The following NRXN1 variants were observed in gnomAD, a reference collection of about 807,000 sequenced individuals.
The protein encoded by NRXN1 is neurexin-1.
A neutral mutation model predicts 150.9 loss-of-function variants in NRXN1; 39 were observed. That is an observed-to-expected ratio of 0.26 (90% CI 0.20 to 0.34). The LOEUF (loss-of-function observed/expected upper bound fraction) is 0.34. Among genes scored for constraint, NRXN1 ranks in the 10% least tolerant of loss-of-function variants. NRXN1 has a pLI of 1.00. For synonymous variants in NRXN1, 924 were observed against 757.0 expected, an observed-to-expected ratio of 1.22 and a Z score of -3.62; for missense variants, 1,815 against 1,949.9, an observed-to-expected ratio of 0.93 and a Z score of 1.30.
chr2:50,525,122 A>G (rs1017155095), intron 12 of NRXN1, among the ~76,000 whole-genome samples: 1 of 152,194 alleles, frequency 6.6e-6, no homozygotes, highest in East Asian at 1.9e-4. Flanking sequence ...ATGACTTACT[A>G]AAGTCATTTA....
At chr2:50,582,824 G>A (rs1406222833) in intron 8 of NRXN1, among the ~76,000 whole-genome samples, 1 of 152,084 alleles carries the variant, frequency 6.6e-6, no homozygotes, top group African/African-American at 2.4e-5. Context: ...TTGGGTTTCA[G>A]TTGCCCATCA....
At chr2:50,982,660 T>A (rs550912905) in intron 2 of NRXN1, among the ~76,000 whole-genome samples, 29 of 152,220 alleles carry the variant, frequency 1.9e-4, no homozygotes, top group African/African-American at 7.0e-4. Context: ...CCTAAGTTTT[T>A]CCTTTTATAC....
intron 5 of NRXN1, among the ~76,000 whole-genome samples, chr2:50,645,870 G>A (rs895066041): frequency 6.6e-6 from 1 of 151,902 alleles, no homozygotes; most frequent in African/African-American, 2.4e-5. Context: ...CCAGTCTAAG[G>A]AGAGAAAGCA....
chr2:50,215,947 C>T (rs902138855), intron 18 of NRXN1, among the ~76,000 whole-genome samples: 2 of 151,994 alleles, frequency 1.3e-5, no homozygotes, highest in African/African-American at 4.8e-5. Context: ...GTGGTTAAAC[C>T]TCATATTCAG....
chr2:50,885,330 G>A (rs1207184885), intron 5 of NRXN1, among the ~76,000 whole-genome samples: 4 of 149,762 alleles, frequency 2.7e-5, no homozygotes, highest in East Asian at 2.0e-4. Flanking sequence ...AATGAAATAC[G>A]TTTAAATTTA....
intron 17 of NRXN1, among the ~76,000 whole-genome samples, chr2:50,411,041 T>C (rs2083114710): frequency 6.6e-6 from 1 of 151,630 alleles, no homozygotes; most frequent in Admixed American, 6.6e-5. Context: ...CCTCTCCCTC[T>C]CCCCCTCCCC....
chr2:50,933,637 T>A (rs1688102191), intron 2 of NRXN1, among the ~76,000 whole-genome samples: 1 of 152,166 alleles, frequency 6.6e-6, no homozygotes, highest in Admixed American at 6.5e-5. Context: ...ACTAAACCCA[T>A]ATGAATATTG....
At chr2:50,099,219 T>C (rs372008393) in intron 18 of NRXN1, among the ~76,000 whole-genome samples, 3 of 152,084 alleles carry the variant, frequency 2.0e-5, no homozygotes, top group Non-Finnish European at 2.9e-5. Context: ...AGTTTTTATA[T>C]GCCCATTTCA....
At chr2:49,946,916 G>C (rs376737362) in intron 21 of NRXN1, among the ~76,000 whole-genome samples, 33 of 152,230 alleles carry the variant, frequency 2.2e-4, no homozygotes, top group African/African-American at 7.7e-4. Context: ...CTTAATGTCA[G>C]TGAAGATCGT....
intron 18 of NRXN1, among the ~76,000 whole-genome samples, chr2:50,219,746 G>T (rs2063664955): frequency 6.7e-6 from 1 of 149,148 alleles, no homozygotes; most frequent in Non-Finnish European, 1.5e-5. Context: ...AAATTAGTTG[G>T]GCATGGTGGC....
chr2:50,930,602 T>G (rs929882960), intron 2 of NRXN1, among the ~76,000 whole-genome samples: 19 of 152,146 alleles, frequency 1.2e-4, no homozygotes, highest in Non-Finnish European at 2.8e-4. Context: ...TTTGCTTTGA[T>G]AATCTCAGTT....
At chr2:50,727,727 C>T (rs1300950375) in intron 5 of NRXN1, among the ~76,000 whole-genome samples, 1 of 152,008 alleles carries the variant, frequency 6.6e-6, no homozygotes, top group African/African-American at 2.4e-5. Context: ...AAACATTTTA[C>T]CATGGCAATA....
At chr2:50,851,543 G>T (rs1340863147) in intron 5 of NRXN1, among the ~76,000 whole-genome samples, 1 of 152,006 alleles carries the variant, frequency 6.6e-6, no homozygotes, top group African/African-American at 2.4e-5. Flanking sequence ...TGCCAAGTTT[G>T]TACCTTGACA....
intron 17 of NRXN1, among the ~76,000 whole-genome samples, chr2:50,251,004 A>G (rs1300806149): frequency 5.5e-5 from 6 of 108,392 alleles, no homozygotes; most frequent in Admixed American, 9.3e-5. Context: ...TACACATTGC[A>G]TATGTGTAAT....
intron 5 of NRXN1, among the ~76,000 whole-genome samples, chr2:50,909,865 T>C (rs1684279964): frequency 1.3e-5 from 2 of 151,982 alleles, no homozygotes; most frequent in South Asian, 2.1e-4. Flanking sequence ...TGATTTATGC[T>C]AAAACTAGTT....
intron 5 of NRXN1, among the ~76,000 whole-genome samples, chr2:50,704,895 C>T (rs9677163): frequency 0.069 from 10,406 of 151,760 alleles, 1,207 homozygotes; most frequent in African/African-American, 0.24. Context: ...ATTTTTCTCA[C>T]GAAAACCTGT....
chr2:50,398,900 T>C (rs900013357), intron 17 of NRXN1, among the ~76,000 whole-genome samples: 23 of 152,156 alleles, frequency 1.5e-4, no homozygotes, highest in Non-Finnish European at 1.5e-5. Context: ...CAGTCATTTG[T>C]TTCTATTGAT....
At chr2:49,924,970 T>C (rs930420059) in intron 22 of NRXN1, among the ~76,000 whole-genome samples, 10 of 152,176 alleles carry the variant, frequency 6.6e-5, no homozygotes, top group African/African-American at 2.4e-4. Context: ...AGTGAAATTT[T>C]TCTTAACTTT....
intron 5 of NRXN1, among the ~76,000 whole-genome samples, chr2:50,896,573 G>A (rs556850452): frequency 1.1e-3 from 168 of 152,252 alleles, no homozygotes; most frequent in African/African-American, 3.9e-3. Flanking sequence ...TTGGCCAGGC[G>A]CAGTGGCTCA....
Sources: gnomAD v4.1 joint callset for allele counts (sites outside exome capture counted in the v4.1 genomes callset) on GRCh38, gnomAD v4.1.1 for gene constraint, MANE v1.5 for transcripts, NCBI Gene and HGNC (gene_info 2026-07-23, HGNC 2026-07-21) for gene names.